BMERB1: variants seen among roughly 807,000 people sequenced by gnomAD.
The protein encoded by BMERB1 is bMERB domain containing 1, also known as bMERB domain-containing protein 1.
Under a neutral mutation model 23.6 loss-of-function variants are expected in BMERB1, and 12 were observed. The observed-to-expected ratio is 0.51, with a 90% CI of 0.33 to 0.82. The LOEUF is 0.82. Among genes scored for constraint, BMERB1 ranks in the 40% least tolerant of loss-of-function variants. BMERB1 has a pLI of 0.03. For missense variants in BMERB1, 247 were observed against 255.4 expected, an observed-to-expected ratio of 0.97 and a Z score of 0.22; for synonymous variants, 122 against 96.6, an observed-to-expected ratio of 1.26 and a Z score of -1.54.
chr16:15,494,825 TAAAA>T (rs1011692486), intron 1 of BMERB1, among the ~76,000 whole-genome samples: 3 of 151,864 alleles, frequency 2.0e-5, no homozygotes, highest in African/African-American at 7.2e-5. Context: ...ATTGGAGCCT[TAAAA>T]AAGTTTTAAA....
chr16:15,479,816 G>T (rs1165989811), intron 1 of BMERB1, among the ~76,000 whole-genome samples: 1 of 151,658 alleles, frequency 6.6e-6, no homozygotes, highest in Non-Finnish European at 1.5e-5. Flanking sequence ...TGTGGTGGCT[G>T]ACACTTGTAA....
intron 1 of BMERB1, among the ~76,000 whole-genome samples, chr16:15,512,706 C>A (rs763247865): frequency 6.6e-6 from 1 of 151,964 alleles, no homozygotes; most frequent in Admixed American, 6.6e-5. Flanking sequence ...TGGTGAAACC[C>A]CAACTCTACT....
rs187743708 is a variant in BMERB1 at position 15,535,786 on chromosome 16, A to G, written c.230+20358A>G. 3.2e-4 allele frequency among the ~76,000 whole-genome samples: 48 copies of G among 152,214 alleles called. 2 individuals carry two copies. In the East Asian group the frequency reaches 8.3e-3, roughly 26 times the overall value. On this transcript the variant is annotated intron_variant, in intron 2 of 5. Transcript: ENST00000300006. ...CCAAAGATTGAGTAATTTATAAAAT[A>G]GAGAGGTTTAATTGACTCACAGTTT...
intron 1 of BMERB1, among the ~76,000 whole-genome samples, chr16:15,472,111 G>T (rs193027332): frequency 4.9e-4 from 74 of 152,184 alleles, no homozygotes; most frequent in African/African-American, 1.7e-3. Flanking sequence ...TTCCATTATG[G>T]TCAGGGAATA....
At chr16:15,436,090 CATGAG>C (rs952962776) in intron 1 of BMERB1, among the ~76,000 whole-genome samples, 5 of 152,020 alleles carry the variant, frequency 3.3e-5, no homozygotes, top group Admixed American at 2.0e-4. Context: ...TTATGGAATA[CATGAG>C]ATATTTTGAT....
chr16:15,548,110 G>C (rs1360337942), intron 2 of BMERB1, among the ~76,000 whole-genome samples: 1 of 152,028 alleles, frequency 6.6e-6, no homozygotes, highest in Admixed American at 6.6e-5. Flanking sequence ...TCAGCCTCCC[G>C]AGTAGCTGGG....
At chr16:15,567,573 C>A (rs2030608901) in intron 2 of BMERB1, among the ~76,000 whole-genome samples, 1 of 152,086 alleles carries the variant, frequency 6.6e-6, no homozygotes, top group Non-Finnish European at 1.5e-5. Context: ...CATGGTGAAA[C>A]CCTGTCTCTA....
At chr16:15,490,471 T>C (rs768264772) in intron 1 of BMERB1, among the ~76,000 whole-genome samples, 36 of 152,168 alleles carry the variant, frequency 2.4e-4, no homozygotes, top group Non-Finnish European at 4.6e-4. Flanking sequence ...TTTGTAGAGA[T>C]GGGGTCTTGC....
At chr16:15,440,670 C>T (rs1004288139) in intron 1 of BMERB1, among the ~76,000 whole-genome samples, 6 of 152,084 alleles carry the variant, frequency 3.9e-5, no homozygotes, top group African/African-American at 1.4e-4. Context: ...AAACGACCAT[C>T]ATTTGCTCCC....
At position 15,480,863 on chromosome 16, in the gene BMERB1, C is replaced by T. The variant is rs187547964; in HGVS notation, c.107-34442C>T. 3.3e-5 allele frequency among the ~76,000 whole-genome samples: 5 copies of T among 150,652 alleles called. 1 individual carries two copies. In the East Asian group the frequency reaches 6.0e-4, roughly 18 times the overall value. On this transcript the variant is annotated intron_variant, in intron 1 of 5. Transcript: ENST00000300006. ...TCTTGACGTCAAGATCCACTGACAT[C>T]GGCCTCCCAAAGTGCTGGGATTACA... is the stretch of plus-strand genomic sequence containing the variant.
rs181622253 is a variant in BMERB1, at chr16:15,474,174, T to C, written c.106+39415T>C. Among the ~76,000 whole-genome samples, 22 of 149,882 alleles carry C rather than the reference T, an allele frequency of 1.5e-4. No homozygotes were observed. In the East Asian group the frequency reaches 3.1e-3, roughly 21 times the overall value. On this transcript the variant is annotated intron_variant, in intron 1 of 5. Transcript: ENST00000300006. ...TTCTGAATCCATTCAAGATTTTTCT[T>C]TTTTTTTTGTCAGAGTTTAAGGACA...
At chr16:15,553,332 A>G (rs2030151044) in intron 2 of BMERB1, among the ~76,000 whole-genome samples, 1 of 152,174 alleles carries the variant, frequency 6.6e-6, no homozygotes, top group African/African-American at 2.4e-5. Context: ...AAAATTACCA[A>G]GGCGTGGTGG....
At chr16:15,533,583 CTGAT>C (rs1275310233) in intron 2 of BMERB1, among the ~76,000 whole-genome samples, 2 of 152,046 alleles carry the variant, frequency 1.3e-5, no homozygotes, top group Non-Finnish European at 2.9e-5. Flanking sequence ...TCACTCCTCT[CTGAT>C]TGGTCCAAAT....
chr16:15,528,932 A>G (rs1175522983), intron 2 of BMERB1, among the ~76,000 whole-genome samples: 1 of 152,230 alleles, frequency 6.6e-6, no homozygotes, highest in Admixed American at 6.5e-5. Flanking sequence ...CTCACTATCT[A>G]TGAGGAAGAG....
chr16:15,477,230 GGAGA>G (rs1487985519), intron 1 of BMERB1, among the ~76,000 whole-genome samples: 1 of 152,154 alleles, frequency 6.6e-6, no homozygotes, highest in Non-Finnish European at 1.5e-5. Flanking sequence ...TAGGGCGGCA[GGAGA>G]GAGAATGAGT....
At chr16:15,487,625 G>C (rs1567465483) in intron 1 of BMERB1, among the ~76,000 whole-genome samples, 1 of 152,154 alleles carries the variant, frequency 6.6e-6, no homozygotes, top group African/African-American at 2.4e-5. Flanking sequence ...AGAAATAAAA[G>C]AATGGCTACT....
At chr16:15,570,632 C>T (rs145390888) in intron 3 of BMERB1, among the ~76,000 whole-genome samples, 5 of 152,090 alleles carry the variant, frequency 3.3e-5, no homozygotes, top group African/African-American at 4.8e-5. Context: ...GAATTTAGGG[C>T]GAGTCCGTAA....
chr16:15,472,323 G>A (rs927030823), intron 1 of BMERB1, among the ~76,000 whole-genome samples: 1 of 152,172 alleles, frequency 6.6e-6, no homozygotes, highest in Non-Finnish European at 1.5e-5. Flanking sequence ...TGTCTAGTAA[G>A]TCTACCAGTT....
At chr16:15,572,331 A>G (rs1486338872) in intron 3 of BMERB1, among the ~76,000 whole-genome samples, 1 of 152,214 alleles carries the variant, frequency 6.6e-6, no homozygotes, top group East Asian at 1.9e-4. Context: ...AGTGTGCGCA[A>G]TGACAGTAGA....
Sources: allele counts gnomAD v4.1 joint callset (sites outside exome capture counted in the v4.1 genomes callset), GRCh38; gene constraint gnomAD v4.1.1; transcripts MANE v1.5; gene names NCBI Gene and HGNC (gene_info 2026-07-23, HGNC 2026-07-21).